Variants in NFATC1 observed in about 807,000 individuals in gnomAD.
NFATC1 encodes the protein nuclear factor of activated T-cells, cytoplasmic 1.
In NFATC1, 22 loss-of-function variants were observed where a neutral mutation model predicts 76.0. The ratio of observed to expected loss-of-function variants is 0.29; its 90% CI spans 0.21 to 0.41. The LOEUF (loss-of-function observed/expected upper bound fraction) is 0.41, where lower values mean the gene tolerates loss of function less well. NFATC1 is among the 10% of genes least tolerant of loss of function. NFATC1 has a pLI of 1.00. For synonymous variants in NFATC1, 704 were observed against 613.1 expected (o/e 1.15, Z -2.19); for missense variants, 1,357 against 1,337.7 (o/e 1.01, Z -0.23).
chr18:79,429,228 A>G (rs2086501126), intron 2 of NFATC1, among the ~76,000 whole-genome samples: 1 of 151,928 alleles, frequency 6.6e-6, no homozygotes, highest in Admixed American at 6.6e-5. Context: ...CTCAAAAAAA[A>G]AAAAAAAAAA....
rs928517984 is a variant in NFATC1 at position 79,524,589 on chromosome 18, C to T, written c.2783-2939C>T. On this transcript the variant is annotated intron_variant, in intron 9 of 9. Coordinates refer to ENST00000427363, the MANE Select transcript of NFATC1 (RefSeq NM_001278669.2). The surrounding 1 kb of genome is among the most constrained non-coding windows in gnomAD (Gnocchi z 7.2). The stretch of plus-strand genomic sequence containing the variant: ...GGTCGGCCCACACGCACCGCCAGCC[C>T]GCAGGAGTGAGGTGCAGGCTGCCGC... Among the ~76,000 whole-genome samples, 11 of 152,282 alleles carry T rather than the reference C, an allele frequency of 7.2e-5. No individual in the cohort carries two copies. The highest frequency in any genetic ancestry group is 3.9e-4 in the East Asian group (2 of 5,170).
intron 2 of NFATC1, among the ~76,000 whole-genome samples, chr18:79,416,136 G>A (rs758487682): frequency 2.0e-5 from 3 of 152,286 alleles, no homozygotes; most frequent in Non-Finnish European, 1.5e-5. Context: ...TTAGCATATC[G>A]GTCACTTTTC....
Position 79,486,344 on chromosome 18 carries a change from A to G in NFATC1, c.2189A>G (p.Tyr730Cys). 2 of 1,613,028 alleles carry G rather than the reference A, an allele frequency of 1.2e-6. No individual in the cohort carries two copies. The highest frequency in any genetic ancestry group is 1.1e-5 in the South Asian group (1 of 91,080). The change falls in exon 9 of 10, where the codon TAC (tyrosine) becomes TGC (cysteine). Residue 730 changes from tyrosine to cysteine, a missense_variant. Tyr to Cys is a radical substitution (Grantham distance 194). This residue lies in a region of NFATC1 where 424 missense variants were observed against 395.4 expected (regional missense o/e 1.07). Coordinates refer to ENST00000427363, the MANE Select transcript of NFATC1 (RefSeq NM_001278669.2). Reference sequence around the variant, plus strand: ...TTAAGTCCTCTCCCAAGACCATACTACAGCCAGCAGCTCGCGATGCCACCC... The same window carrying G: ...TTAAGTCCTCTCCCAAGACCATACTGCAGCCAGCAGCTCGCGATGCCACCC... ...QGLSPLPRPY[Y>C]SQQLAMPPDP...
chr18:79,405,145 C>T (rs921065823), intron 1 of NFATC1, among the ~76,000 whole-genome samples: 60 of 152,286 alleles, frequency 3.9e-4, no homozygotes, highest in African/African-American at 1.2e-3. Flanking sequence ...GATGGCTGAG[C>T]GAGCCGGTGA....
intron 6 of NFATC1, 67 bp from the exon 7 acceptor site, chr18:79,461,244 G>C (rs962911337): frequency 3.2e-5 from 50 of 1,578,940 alleles, no homozygotes; most frequent in South Asian, 6.7e-5. Context: ...TGGATCACGT[G>C]GGGGTGTCTG....
chr18:79,493,471 C>T (rs1305287306), intron 9 of NFATC1: 1 of 152,240 alleles, frequency 6.6e-6, no homozygotes, highest in Non-Finnish European at 1.5e-5. Context: ...CGCCGCACGG[C>T]CTCTGCCACG....
intron 9 of NFATC1, among the ~76,000 whole-genome samples, chr18:79,513,139 A>G (rs1276284057): frequency 6.6e-6 from 1 of 152,192 alleles, no homozygotes; most frequent in Non-Finnish European, 1.5e-5. Context: ...CTCTCTCGAT[A>G]CCCAGAACCA....
rs371231302 is a variant in NFATC1 at position 79,486,226 on chromosome 18, ATT to A, written c.2093-13_2093-12del. ...CTCATTCGCAACTTGTGTTTATTTA[ATT>A]TTTTTTTTCCTTCTCACAGTTCCAA... On this transcript the variant is annotated intron_variant, in intron 8 of 9. Coordinates refer to ENST00000427363, the MANE Select transcript of NFATC1 (RefSeq NM_001278669.2). The A allele has an allele frequency of 1.3e-6, 2 of 1,517,064 alleles. No homozygotes were observed. The highest frequency in any genetic ancestry group is 1.4e-5 in the African/African-American group (1 of 71,816). The allele number at this position is 1,517,064 out of a possible 1,614,324, so 94.0% of individuals were successfully genotyped here.
chr18:79,471,765 C>T (rs554232479), intron 8 of NFATC1, among the ~76,000 whole-genome samples: 3 of 152,374 alleles, frequency 2.0e-5, no homozygotes, highest in South Asian at 2.1e-4. Flanking sequence ...GACCACAGAA[C>T]GTGACATCCA....
chr18:79,480,577 G>A (rs2089236757), intron 8 of NFATC1, among the ~76,000 whole-genome samples: 1 of 152,182 alleles, frequency 6.6e-6, no homozygotes, highest in African/African-American at 2.4e-5. Flanking sequence ...AATCCAAGTG[G>A]CTGGAGAGAT....
intron 3 of NFATC1, among the ~76,000 whole-genome samples, chr18:79,444,189 T>C (rs1568969154): frequency 1.3e-5 from 2 of 152,052 alleles, no homozygotes; most frequent in African/African-American, 4.8e-5. Context: ...GCTTGTCACA[T>C]GTGGTGTGTG....
intron 9 of NFATC1, among the ~76,000 whole-genome samples, chr18:79,505,776 G>T (rs2919420): frequency 2.4e-4 from 28 of 116,372 alleles, no homozygotes; most frequent in African/African-American, 6.5e-4. Flanking sequence ...CCTTGGGTGA[G>T]GGAAGAGGCA....
intron 9 of NFATC1, among the ~76,000 whole-genome samples, chr18:79,514,061 C>T (rs192994261): frequency 2.7e-4 from 41 of 152,254 alleles, no homozygotes; most frequent in Middle Eastern, 3.4e-3. Flanking sequence ...TTCCTCCAGG[C>T]GCTGCCCAGG....
intron 1 of NFATC1, 78 bp downstream of exon 1, chr18:79,396,429 T>TCGCCCGC (rs1313544650): frequency 5.2e-6 from 5 of 965,646 alleles, no homozygotes; most frequent in Non-Finnish European, 6.5e-6. Flanking sequence ...CCCGCCCCCG[T>TCGCCCGC]CGCCCGCACG....
intron 2 of NFATC1, among the ~76,000 whole-genome samples, chr18:79,427,625 AGCTGGCCTCTGTGCGGTGGAGGCTGGACG>A (rs2086414937): frequency 1.5e-5 from 1 of 67,028 alleles, no homozygotes; most frequent in Non-Finnish European, 2.7e-5. Flanking sequence ...AGAGCTGGAC[AGCTGGCCTCTGTGCGGTGGAGGCTGGACG>A]GCTGGCCTCT....
intron 2 of NFATC1, among the ~76,000 whole-genome samples, chr18:79,431,088 T>C (rs1286764812): frequency 6.6e-6 from 1 of 152,208 alleles, no homozygotes; most frequent in African/African-American, 2.4e-5. Context: ...GAAGCTGTCG[T>C]GGCTGAGTTG....
chr18:79,442,950 C>T (rs554908083), intron 3 of NFATC1, among the ~76,000 whole-genome samples: 22 of 152,334 alleles, frequency 1.4e-4, no homozygotes, highest in African/African-American at 4.3e-4. Flanking sequence ...AAGTGAGGCA[C>T]GCTCAGCTGG....
chr18:79,464,152 C>T (rs764936073), intron 7 of NFATC1, among the ~76,000 whole-genome samples: 19 of 152,246 alleles, frequency 1.2e-4, no homozygotes, highest in Non-Finnish European at 8.8e-5. Context: ...TGCAGTGGCT[C>T]GATCTCAGCT....
intron 8 of NFATC1, among the ~76,000 whole-genome samples, 185 bp from the exon 9 acceptor site, chr18:79,486,063 A>G (rs1460004054): frequency 6.6e-6 from 1 of 150,966 alleles, no homozygotes; most frequent in Admixed American, 6.6e-5. Flanking sequence ...TATTAGAACC[A>G]GCTGCTACTC....
Sources: allele counts gnomAD v4.1 joint callset (sites outside exome capture counted in the v4.1 genomes callset), GRCh38; gene constraint gnomAD v4.1.1; regional missense constraint gnomAD v4.1.1; non-coding constraint Gnocchi (gnomAD v3.1); transcripts MANE v1.5; gene names NCBI Gene and HGNC (gene_info 2026-07-23, HGNC 2026-07-21).